SH3BP4: variants seen among roughly 807,000 people sequenced by gnomAD.
SH3BP4 encodes the protein SH3 domain-binding protein 4.
A neutral mutation model predicts 65.5 loss-of-function variants in SH3BP4; 33 were observed. The ratio of observed to expected loss-of-function variants is 0.50; its 90% CI spans 0.38 to 0.67. The LOEUF is 0.67. SH3BP4 is among the 30% of genes least tolerant of loss of function. The pLI is 0.00. For missense variants in SH3BP4, 1,134 were observed against 1,261.4 expected (o/e 0.90, Z 1.53); for synonymous variants, 552 against 545.5 (o/e 1.01, Z -0.17).
intron 4 of SH3BP4, among the ~76,000 whole-genome samples, chr2:235,050,053 G>C (rs527587019): frequency 6.6e-6 from 1 of 152,270 alleles, no homozygotes; most frequent in East Asian, 1.9e-4. Flanking sequence ...TCTGCTTCAT[G>C]GGGGGCTCTG....
At chr2:235,024,676 T>C (rs1694944609) in intron 2 of SH3BP4, among the ~76,000 whole-genome samples, 1 of 152,222 alleles carries the variant, frequency 6.6e-6, no homozygotes, top group Non-Finnish European at 1.5e-5. Flanking sequence ...GCTGGCTAGC[T>C]CTGCGGTTTT....
chr2:235,044,811 G>A (rs561545601), intron 4 of SH3BP4, among the ~76,000 whole-genome samples: 1 of 152,228 alleles, frequency 6.6e-6, no homozygotes, highest in Admixed American at 6.5e-5. Context: ...GCAGGAGTGG[G>A]GCAGGAGTCG....
At position 235,054,242 on chromosome 2, in the gene SH3BP4, G is replaced by A. The variant is rs79452962; in HGVS notation, c.*426G>A. On this transcript the variant is annotated 3_prime_UTR_variant, in exon 6 of 6. Transcript: ENST00000392011. ...TAGGTATTTAAAGGTCACTGGGAGC[G>A]TTTCTGATTCCCGGCCACACTTTGC... 11,642 of 157,564 alleles carry A rather than the reference G, an allele frequency of 0.074. 514 individuals are homozygous for A. The highest frequency in any genetic ancestry group is 0.12 in the African/African-American group (4,884 of 41,522). The allele number at this position is 157,564 out of a possible 1,614,324, so 9.8% of individuals were successfully genotyped here.
rs114802261 is a variant in SH3BP4 at position 234,985,913 on chromosome 2, C to T, written c.-206-9390C>T. ...TGAACCAGCCCTCGACACACACCTACGAGAACAGGGACCATGTGCAGGTGA... is the reference window on the plus strand; with the variant it reads ...TGAACCAGCCCTCGACACACACCTATGAGAACAGGGACCATGTGCAGGTGA... On this transcript the variant is annotated intron_variant, in intron 1 of 5. Coordinates refer to ENST00000392011, the MANE Select transcript of SH3BP4 (RefSeq NM_014521.3). 4.9e-3 allele frequency among the ~76,000 whole-genome samples: 673 copies of T among 136,862 alleles called. 5 individuals carry two copies. Among genetic ancestry groups the T allele is most frequent in the African/African-American group, 0.016 (575 of 35,590 alleles). 89.8% of individuals were successfully genotyped at this position (136,862 alleles called of 152,430 possible). A position where few individuals can be genotyped will look rare whatever the true frequency, so the allele number is the denominator to read the frequency against.
In SH3BP4 at chr2:235,041,543, T is replaced by C. The variant is rs1469375; in HGVS notation, c.774T>C (p.Asp258=). Residue 258 remains aspartate, a synonymous_variant, in exon 4 of 6, where the codon GAT becomes GAC. Coordinates refer to ENST00000392011, the MANE Select transcript of SH3BP4 (RefSeq NM_014521.3). The surrounding 1 kb of genome is among the most constrained non-coding windows in gnomAD (Gnocchi z 6.0). ...SELSVLQAKS[D]APTSSSFFTG... ...TCTCCGTCCTCCAAGCCAAGTCCGA[T>C]GCTCCCACATCGTCGAGTTTCTTCA... 795,803 of 1,613,886 alleles carry C rather than the reference T, an allele frequency of 0.49. 208,423 individuals are homozygous for C. The highest frequency in any genetic ancestry group is 0.91 in the East Asian group (40,790 of 44,854).
At chr2:234,980,778 T>C (rs1264845143) in intron 1 of SH3BP4, among the ~76,000 whole-genome samples, 4 of 152,138 alleles carry the variant, frequency 2.6e-5, no homozygotes, top group Admixed American at 6.5e-5. Context: ...GGTATCTGAG[T>C]GTTTTTATGT....
rs898141306 is a variant in SH3BP4 at position 235,042,755 on chromosome 2, C to G, written c.1986C>G (p.Leu662=). Residue 662 remains leucine (L), a synonymous_variant, in exon 4 of 6, where the codon CTC becomes CTG. Coordinates refer to ENST00000392011, the MANE Select transcript of SH3BP4 (RefSeq NM_014521.3). The surrounding 1 kb of genome is among the most constrained non-coding windows in gnomAD (Gnocchi z 7.3). The stretch of plus-strand genomic sequence containing the variant: ...CCAGCCTCAAGTTTGGTAAGTTGCT[C>G]AAGACTGTGGTGCGGCAGAACAAGA... ...PVSSLKFGKL[L]KTVVRQNKNH... The G allele has an allele frequency of 6.8e-6, 11 of 1,614,168 alleles. No homozygotes were observed. Among genetic ancestry groups the G allele is most frequent in the East Asian group, 4.5e-5 (2 of 44,880 alleles).
intron 2 of SH3BP4, among the ~76,000 whole-genome samples, chr2:235,009,448 C>T (rs2106293514): frequency 6.6e-6 from 1 of 152,258 alleles, no homozygotes; most frequent in East Asian, 1.9e-4. Context: ...GTGCCTGGGA[C>T]CCTGGAGGAC....
intron 1 of SH3BP4, among the ~76,000 whole-genome samples, chr2:234,966,396 G>C (rs1559225464): frequency 6.6e-6 from 1 of 152,104 alleles, no homozygotes; most frequent in Non-Finnish European, 1.5e-5. Flanking sequence ...AAAAAGAGGA[G>C]GAAGGGAGGT....
chr2:234,990,405 C>T (rs1195319282), intron 1 of SH3BP4, among the ~76,000 whole-genome samples: 1 of 152,240 alleles, frequency 6.6e-6, no homozygotes, highest in Non-Finnish European at 1.5e-5. Flanking sequence ...CCAGTTTACT[C>T]AACACCAGCC....
At chr2:235,009,955 C>T (rs1694424484) in intron 2 of SH3BP4, among the ~76,000 whole-genome samples, 1 of 152,132 alleles carries the variant, frequency 6.6e-6, no homozygotes, top group Non-Finnish European at 1.5e-5. Flanking sequence ...TCTCCTCAAA[C>T]CTTCCCTGCC....
intron 1 of SH3BP4, among the ~76,000 whole-genome samples, chr2:234,959,653 C>CTTTTT (rs148083180): frequency 8.1e-6 from 1 of 123,820 alleles, no homozygotes; most frequent in Non-Finnish European, 1.8e-5. Context: ...GAGGATTTGA[C>CTTTTT]TTTTTTTTTT....
intron 2 of SH3BP4, among the ~76,000 whole-genome samples, chr2:235,002,815 G>GT (rs1694173949): frequency 6.6e-6 from 1 of 152,208 alleles, no homozygotes; most frequent in South Asian, 2.1e-4. Flanking sequence ...GTGACATAGG[G>GT]TCCCCAGAGC....
At chr2:234,981,239 G>T (rs994129901) in intron 1 of SH3BP4, among the ~76,000 whole-genome samples, 4 of 152,154 alleles carry the variant, frequency 2.6e-5, no homozygotes, top group African/African-American at 9.7e-5. Context: ...TTGGGTCATG[G>T]ACTGGTGCCT....
intron 1 of SH3BP4, among the ~76,000 whole-genome samples, chr2:234,979,138 A>G (rs955270059): frequency 2.0e-5 from 3 of 152,172 alleles, no homozygotes; most frequent in Non-Finnish European, 4.4e-5. Flanking sequence ...TTGAGTAGAT[A>G]CAGGTAATAT....
Position 235,046,718 on chromosome 2 carries a change from TG to T in SH3BP4, c.2478+3472del, listed in dbSNP as rs57210675. 0.15 allele frequency among the ~76,000 whole-genome samples: 23,215 copies of T among 151,928 alleles called. 1,855 individuals carry two copies. The highest frequency in any genetic ancestry group is 0.2 in the African/African-American group (8,227 of 41,350). Reference sequence around the variant, plus strand: ...CTGAGGTACTAGATGGATAAGTGATTGAATGAATGAATGATGGATGAATGAA... The same window carrying T: ...CTGAGGTACTAGATGGATAAGTGATTAATGAATGAATGATGGATGAATGAA... On this transcript the variant is annotated intron_variant, in intron 4 of 5. Transcript: ENST00000392011. The surrounding 1 kb of genome is among the most constrained non-coding windows in gnomAD (Gnocchi z 4.2).
Position 235,045,346 on chromosome 2 carries a change from G to A in SH3BP4, c.2478+2099G>A, listed in dbSNP as rs1233985180. 6.6e-6 allele frequency among the ~76,000 whole-genome samples: 1 copy of A among 152,200 alleles called. No homozygotes were observed. Among genetic ancestry groups the A allele is most frequent in the Non-Finnish European group, 1.5e-5 (1 of 68,034 alleles). ...GCTGTGGAAAATAACCGCCGAGTAG[G>A]TGGCTTTTACACTCATTTTCCTGCT... On this transcript the variant is annotated intron_variant, in intron 4 of 5. Transcript: ENST00000392011. This position sits in a 1 kb window ranked among gnomAD's most constrained non-coding sequence, Gnocchi z 4.3.
chr2:235,016,517 T>C (rs868633865), intron 2 of SH3BP4, among the ~76,000 whole-genome samples: 2 of 151,960 alleles, frequency 1.3e-5, no homozygotes, highest in Non-Finnish European at 2.9e-5. Context: ...CTTTTCTTTT[T>C]TTTCTTTTTG....
At position 235,053,904 on chromosome 2, in the gene SH3BP4, G is replaced by A. The variant is rs996638937; in HGVS notation, c.*88G>A. On this transcript the variant is annotated 3_prime_UTR_variant, in exon 6 of 6. Coordinates refer to ENST00000392011, the MANE Select transcript of SH3BP4 (RefSeq NM_014521.3). ...TGTCACCGCGGAGCTGAAGAGGGAG[G>A]AAGGGGCGGCTGCTCAGACAGATTT... The A allele has an allele frequency of 2.0e-5, 22 of 1,089,368 alleles. No homozygotes were observed. The highest frequency in any genetic ancestry group is 2.8e-5 in the Non-Finnish European group (20 of 726,578). 67.5% of individuals were successfully genotyped at this position (1,089,368 alleles called of 1,614,324 possible). A position where few individuals can be genotyped will look rare whatever the true frequency, so the allele number is the denominator to read the frequency against.
Sources: allele counts gnomAD v4.1 joint callset (sites outside exome capture counted in the v4.1 genomes callset), GRCh38; gene constraint gnomAD v4.1.1; non-coding constraint Gnocchi (gnomAD v3.1); transcripts MANE v1.5; gene names NCBI Gene and HGNC (gene_info 2026-07-23, HGNC 2026-07-21).